MAP4: variants seen among roughly 807,000 people sequenced by gnomAD.
MAP4 encodes the protein microtubule associated protein 4, also known as microtubule-associated protein 4.
Under a neutral mutation model 170.2 loss-of-function variants are expected in MAP4, and 76 were observed. That is an observed-to-expected ratio of 0.45 (90% CI 0.37 to 0.54). The LOEUF is 0.54. Among genes scored for constraint, MAP4 ranks in the 20% least tolerant of loss-of-function variants. The pLI, the probability that MAP4 is intolerant of heterozygous loss-of-function variation, is 0.00. For synonymous variants in MAP4, 909 were observed against 994.5 expected, an observed-to-expected ratio of 0.91 and a Z score of 1.62; for missense variants, 2,506 against 2,748.0, an observed-to-expected ratio of 0.91 and a Z score of 1.97.
intron 3 of MAP4, among the ~76,000 whole-genome samples, chr3:47,935,636 A>G (rs1350717854): frequency 1.3e-5 from 2 of 152,008 alleles, no homozygotes; most frequent in Non-Finnish European, 2.9e-5. Flanking sequence ...ATATTGAACC[A>G]TAATAATATA....
At chr3:47,929,110 T>C (rs1340796792) in intron 3 of MAP4, among the ~76,000 whole-genome samples, 1 of 152,092 alleles carries the variant, frequency 6.6e-6, no homozygotes, top group Non-Finnish European at 1.5e-5. Context: ...TCCCAACACT[T>C]TGGGAGGCTG....
chr3:47,871,381 G>A, intron 13 of MAP4, 95 bp from the exon 14 acceptor site: 3 of 1,040,706 alleles, frequency 2.9e-6, no homozygotes, highest in Admixed American at 3.5e-5. Context: ...AACAATTACT[G>A]AATATCTACT....
intron 1 of MAP4, among the ~76,000 whole-genome samples, chr3:48,030,489 A>T (rs1199574175): frequency 6.6e-6 from 1 of 150,732 alleles, no homozygotes; most frequent in Non-Finnish European, 1.5e-5. Context: ...TAAAAATAAA[A>T]AAAAAAAAAC....
At position 47,852,200 on chromosome 3, in the gene MAP4, A is replaced by G. The variant is rs943557241; in HGVS notation, c.*734T>C. ...ACACTTACTGAGGACTTTCATGTAG[A>G]CATGGCTTCAACCTGCAGAACTATT... On this transcript the variant is annotated 3_prime_UTR_variant, in exon 21 of 21. Coordinates refer to ENST00000683076, the MANE Select transcript of MAP4 (RefSeq NM_001385682.1). 1 of 153,386 alleles carries G rather than the reference A, an allele frequency of 6.5e-6. No individual in the cohort carries two copies. Among genetic ancestry groups the G allele is most frequent in the African/African-American group, 2.4e-5 (1 of 41,478 alleles). 9.5% of individuals were successfully genotyped at this position (153,386 alleles called of 1,614,324 possible). A position where few individuals can be genotyped will look rare whatever the true frequency, so the allele number is the denominator to read the frequency against.
chr3:47,888,342 C>T (rs2097983771), intron 10 of MAP4, among the ~76,000 whole-genome samples: 1 of 152,184 alleles, frequency 6.6e-6, no homozygotes, highest in Non-Finnish European at 1.5e-5. Context: ...TGCAATAAAT[C>T]TTGCTACTGC....
At chr3:47,969,841 CAG>C (rs779138095) in intron 3 of MAP4, among the ~76,000 whole-genome samples, 31 of 148,710 alleles carry the variant, frequency 2.1e-4, no homozygotes, top group South Asian at 1.7e-3. Flanking sequence ...GCCTGGGCGA[CAG>C]AGCAAGACTC....
intron 3 of MAP4, among the ~76,000 whole-genome samples, chr3:47,969,935 A>G (rs2100077567): frequency 6.6e-6 from 1 of 152,182 alleles, no homozygotes; most frequent in Admixed American, 6.5e-5. Context: ...TATAACCAAG[A>G]TACTCAGGTA....
At chr3:47,977,815 C>A in intron 3 of MAP4, 50 bp downstream of exon 3, 1 of 1,199,374 alleles carries the variant, frequency 8.3e-7, no homozygotes, top group South Asian at 1.2e-5. Context: ...TCAAGGTGTT[C>A]ATTGTAAGTG....
chr3:47,863,921 G>GTGTGTGTGTGTGT (rs2073901008), intron 17 of MAP4, among the ~76,000 whole-genome samples: 16 of 110,794 alleles, frequency 1.4e-4, no homozygotes, highest in African/African-American at 4.6e-4. Context: ...TGTGGGTGTG[G>GTGTGTGTGTGTGT]GTGTGTGTGT....
intron 1 of MAP4, among the ~76,000 whole-genome samples, chr3:48,025,292 C>A (rs1194645399): frequency 1.5e-5 from 2 of 137,208 alleles, no homozygotes; most frequent in African/African-American, 2.7e-5. Context: ...TACCTACACA[C>A]TTTTTTTTTT....
intron 1 of MAP4, among the ~76,000 whole-genome samples, chr3:48,030,485 TAAA>T (rs58814432): frequency 1.5e-4 from 22 of 146,030 alleles, no homozygotes; most frequent in South Asian, 2.2e-4. Flanking sequence ...AAAATAAAAA[TAAA>T]AAAAAAAAAA....
chr3:48,003,471 AAAC>A (rs1454961349), intron 1 of MAP4, among the ~76,000 whole-genome samples: 10 of 140,240 alleles, frequency 7.1e-5, no homozygotes, highest in Admixed American at 1.4e-4. Flanking sequence ...AAAAAAAAAA[AAAC>A]ATATTAAATT....
At chr3:47,891,758 T>G (rs2100024113) in intron 10 of MAP4, 1 of 1,536,554 alleles carries the variant, frequency 6.5e-7, no homozygotes, top group South Asian at 1.2e-5. Flanking sequence ...GGGTGAATGC[T>G]CAATAATGGG....
chr3:47,943,004 CT>C (rs913568125), intron 3 of MAP4, among the ~76,000 whole-genome samples: 6 of 152,094 alleles, frequency 3.9e-5, no homozygotes, highest in Admixed American at 3.9e-4. Flanking sequence ...GTCCCAGTTA[CT>C]TTGGAGGCTG....
At chr3:47,927,804 A>T (rs1482065797) in intron 4 of MAP4, among the ~76,000 whole-genome samples, 1 of 152,152 alleles carries the variant, frequency 6.6e-6, no homozygotes, top group Non-Finnish European at 1.5e-5. Flanking sequence ...AGTGGGTATG[A>T]ATCAGCTTTC....
chr3:47,973,841 T>C, intron 3 of MAP4: 1 of 985,138 alleles, frequency 1.0e-6, no homozygotes, highest in Non-Finnish European at 1.2e-6. Flanking sequence ...AGGGAAAGGG[T>C]TGTGTTTTCT....
intron 1 of MAP4, among the ~76,000 whole-genome samples, chr3:48,031,375 C>A (rs1187752436): frequency 1.3e-5 from 2 of 152,122 alleles, no homozygotes; most frequent in African/African-American, 4.8e-5. Flanking sequence ...CATGGTGAAA[C>A]CCTGTCTCTA....
chr3:47,945,538 T>TC (rs954599504), intron 3 of MAP4, among the ~76,000 whole-genome samples: 15 of 151,964 alleles, frequency 9.9e-5, no homozygotes, highest in Admixed American at 9.2e-4. Context: ...GGATGTTGAA[T>TC]GGAGAAATGA....
intron 1 of MAP4, among the ~76,000 whole-genome samples, chr3:48,005,532 G>A (rs903752916): frequency 8.5e-5 from 13 of 152,128 alleles, no homozygotes; most frequent in African/African-American, 2.4e-4. Context: ...GTTGCAGCTC[G>A]GGGAGTTAAA....
Sources: gnomAD v4.1 joint callset for allele counts (sites outside exome capture counted in the v4.1 genomes callset) on GRCh38, gnomAD v4.1.1 for gene constraint, MANE v1.5 for transcripts, NCBI Gene and HGNC (gene_info 2026-07-23, HGNC 2026-07-21) for gene names.